PTPN14: variants seen among roughly 807,000 people sequenced by gnomAD.
PTPN14 encodes the protein protein tyrosine phosphatase non-receptor type 14, also known as tyrosine-protein phosphatase non-receptor type 14.
PTPN14 carries 53 observed loss-of-function variants against 126.8 expected under a neutral mutation model. That is an observed-to-expected ratio of 0.42 (90% CI 0.34 to 0.53). The LOEUF is 0.53. Among genes scored for constraint, PTPN14 ranks in the 20% least tolerant of loss-of-function variants. The probability of loss-of-function intolerance (pLI) is 0.08; values close to 1 mark genes in which losing one functional copy is unlikely to be tolerated. For missense variants in PTPN14, 1,257 were observed against 1,552.9 expected (o/e 0.81, Z 3.20); for synonymous variants, 630 against 599.3 (o/e 1.05, Z -0.75).
intron 16 of PTPN14, among the ~76,000 whole-genome samples, chr1:214,371,876 T>G (rs1440914223): frequency 2.0e-5 from 3 of 152,166 alleles, no homozygotes; most frequent in Non-Finnish European, 4.4e-5. Context: ...TATGACTTTT[T>G]CCTCCCCAAT....
intron 1 of PTPN14, 73 bp from the exon 2 acceptor site, chr1:214,465,030 C>T (rs1660598753): frequency 6.1e-6 from 2 of 330,004 alleles, no homozygotes; most frequent in Non-Finnish European, 1.0e-5. Context: ...TCCACACACA[C>T]AGAAGCCCCC....
intron 4 of PTPN14, among the ~76,000 whole-genome samples, chr1:214,413,803 G>A (rs1296268678): frequency 6.6e-6 from 1 of 152,104 alleles, no homozygotes; most frequent in African/African-American, 2.4e-5. Context: ...TGAGTAGCTG[G>A]AATTACAGGC....
At chr1:214,521,333 C>T (rs1655249667) in intron 1 of PTPN14, among the ~76,000 whole-genome samples, 1 of 152,204 alleles carries the variant, frequency 6.6e-6, no homozygotes, top group Admixed American at 6.5e-5. Context: ...AAAGAGCCCT[C>T]TGATATAATC....
intron 1 of PTPN14, among the ~76,000 whole-genome samples, chr1:214,480,489 C>T (rs997819083): frequency 3.9e-5 from 6 of 152,194 alleles, no homozygotes; most frequent in African/African-American, 1.4e-4. Flanking sequence ...CTCAAAGTCT[C>T]AATGTCTTCA....
rs752713837 is a variant in PTPN14, at chr1:214,383,910, T to G, written c.1945A>C (p.Met649Leu). ...KRHSLEVMNS[M>L]VRGMEAMTLK... ...GTCATGGCCTCCATGCCCCGCACCA[T>G]GCTGTTCATCACCTCCAGGCTGTGG... Residue 649 changes from methionine to leucine, a missense_variant, in exon 13 of 19, where the codon ATG becomes CTG. By Grantham distance (15) the Met-to-Leu change is conservative (BLOSUM62 2). Coordinates refer to ENST00000366956, the MANE Select transcript of PTPN14 (RefSeq NM_005401.5). This position sits in a 1 kb window ranked among gnomAD's most constrained non-coding sequence, Gnocchi z 4.4. 1 of 1,613,450 alleles carries G rather than the reference T, an allele frequency of 6.2e-7. No individual in the cohort carries two copies. Among genetic ancestry groups the G allele is most frequent in the South Asian group, 1.1e-5 (1 of 91,084 alleles).
chr1:214,476,023 C>T (rs1225927931), intron 1 of PTPN14, among the ~76,000 whole-genome samples: 2 of 152,204 alleles, frequency 1.3e-5, no homozygotes, highest in African/African-American at 4.8e-5. Context: ...AGCAGTTTAT[C>T]TTTGCTCACC....
At chr1:214,398,800 T>C (rs1033066045) in intron 7 of PTPN14, among the ~76,000 whole-genome samples, 11 of 149,710 alleles carry the variant, frequency 7.3e-5, no homozygotes, top group Admixed American at 6.0e-4. Context: ...GTAGTCTCAC[T>C]CTGTTGCCAG....
At chr1:214,502,470 T>C (rs1343574535) in intron 1 of PTPN14, among the ~76,000 whole-genome samples, 1 of 152,218 alleles carries the variant, frequency 6.6e-6, no homozygotes, top group Non-Finnish European at 1.5e-5. Context: ...ATGCAAATAG[T>C]GTGCAACACA....
At chr1:214,461,781 T>C (rs1489745724) in intron 2 of PTPN14, among the ~76,000 whole-genome samples, 1 of 152,222 alleles carries the variant, frequency 6.6e-6, no homozygotes, top group Non-Finnish European at 1.5e-5. Flanking sequence ...GCACTCCATC[T>C]TGTGCAATAG....
chr1:214,382,586 C>G (rs1481396144), intron 13 of PTPN14, among the ~76,000 whole-genome samples: 1 of 152,210 alleles, frequency 6.6e-6, no homozygotes, highest in African/African-American at 2.4e-5. Flanking sequence ...CCTACCTCAG[C>G]CTCCCAAGTA....
intron 13 of PTPN14, among the ~76,000 whole-genome samples, chr1:214,379,812 C>A (rs1236248744): frequency 6.6e-6 from 1 of 152,244 alleles, no homozygotes; most frequent in African/African-American, 2.4e-5. Flanking sequence ...CAGACAGAAA[C>A]AATATTGACT....
At chr1:214,532,390 G>C (rs1355875899) in intron 1 of PTPN14, 2 of 651,340 alleles carry the variant, frequency 3.1e-6, no homozygotes, top group Non-Finnish European at 5.5e-6. Context: ...ATGGCTGGGG[G>C]CCTGGCAGGA....
intron 1 of PTPN14, among the ~76,000 whole-genome samples, chr1:214,501,367 G>T (rs1431704434): frequency 6.6e-6 from 1 of 152,040 alleles, no homozygotes; most frequent in Non-Finnish European, 1.5e-5. Context: ...AGCCTCCCGA[G>T]TGGCTGGGAC....
In PTPN14 at chr1:214,392,499, C is replaced by T. The variant is rs186366992; in HGVS notation, c.929+1196G>A. 3.6e-4 allele frequency among the ~76,000 whole-genome samples: 55 copies of T among 152,168 alleles called. No homozygotes were observed. The East Asian group carries it at 9.9e-3, about 27-fold the overall frequency. On this transcript the variant is annotated intron_variant, in intron 10 of 18. Coordinates refer to ENST00000366956, the MANE Select transcript of PTPN14 (RefSeq NM_005401.5). ...CCAGTTCTCAGTTTTTAAATTCATC[C>T]TACAGAAGTCAAGGATAGCATTCTT...
chr1:214,440,875 G>A (rs1035723112), intron 3 of PTPN14, among the ~76,000 whole-genome samples: 17 of 152,280 alleles, frequency 1.1e-4, no homozygotes, highest in South Asian at 2.1e-4. Flanking sequence ...TCTGCAAGGC[G>A]TCCCAATTCA....
At chr1:214,468,879 A>C (rs958470412) in intron 1 of PTPN14, among the ~76,000 whole-genome samples, 47 of 152,190 alleles carry the variant, frequency 3.1e-4, no homozygotes, top group African/African-American at 9.9e-4. Flanking sequence ...GAATTCCCAC[A>C]GCCATTGGTG....
Position 214,520,047 on chromosome 1 carries a change from C to CAAAAAAAAAAA in PTPN14, c.-155+31125_-155+31135dup, listed in dbSNP as rs1183768381. Among the ~76,000 whole-genome samples, 9 of 80,750 alleles carry CAAAAAAAAAAA rather than the reference C, an allele frequency of 1.1e-4. No individual in the cohort carries two copies. The East Asian group carries it at 1.8e-3, about 16-fold the overall frequency. 53.0% of individuals were successfully genotyped at this position (80,750 alleles called of 152,430 possible). Reference sequence around the variant, plus strand: ...TGAGTGACAGAAAAAAACCCTGTCTCAAAAAAAAAAAAAAAAAAATATATA... The same window carrying CAAAAAAAAAAA: ...TGAGTGACAGAAAAAAACCCTGTCTCAAAAAAAAAAAAAAAAAAAAAAAAAAAAAATATATA... On this transcript the variant is annotated intron_variant, in intron 1 of 18. Transcript: ENST00000366956.
intron 1 of PTPN14, among the ~76,000 whole-genome samples, chr1:214,481,057 G>A (rs760788348): frequency 6.6e-6 from 1 of 152,154 alleles, no homozygotes; most frequent in African/African-American, 2.4e-5. Context: ...TAAAAAAGGA[G>A]AAAAGGAGAT....
intron 11 of PTPN14, 30 bp downstream of exon 11, chr1:214,390,958 T>G: frequency 6.9e-7 from 1 of 1,442,054 alleles, no homozygotes; most frequent in Non-Finnish European, 9.4e-7. Context: ...AACAGTCAGA[T>G]CACTTGATCA....
Sources: gnomAD v4.1 joint callset for allele counts (sites outside exome capture counted in the v4.1 genomes callset) on GRCh38, gnomAD v4.1.1 for gene constraint, Gnocchi (gnomAD v3.1) non-coding constraint, MANE v1.5 for transcripts, NCBI Gene and HGNC (gene_info 2026-07-23, HGNC 2026-07-21) for gene names.